ZNF618: variants seen among roughly 807,000 people sequenced by gnomAD.
ZNF618 encodes the protein zinc finger protein 618, also known as neural precursor cell expressed, developmentally down-regulated 10.
In ZNF618, 34 loss-of-function variants were observed where a neutral mutation model predicts 103.0. The ratio of observed to expected loss-of-function variants is 0.33; its 90% CI spans 0.25 to 0.44. The LOEUF (loss-of-function observed/expected upper bound fraction) is 0.44. Ranked by LOEUF, ZNF618 falls within the 20% of genes least tolerant of loss-of-function variation. ZNF618 has a pLI of 1.00. For synonymous variants in ZNF618, 551 were observed against 542.2 expected (o/e 1.02, Z -0.23); for missense variants, 1,059 against 1,295.4 (o/e 0.82, Z 2.80).
chr9:114,037,474 C>A (rs1844725036), intron 13 of ZNF618, among the ~76,000 whole-genome samples: 1 of 152,146 alleles, frequency 6.6e-6, no homozygotes, highest in South Asian at 2.1e-4. Flanking sequence ...GACAGTTGGC[C>A]ACTCTGCAAA....
intron 6 of ZNF618, among the ~76,000 whole-genome samples, chr9:114,005,386 G>C (rs989497139): frequency 3.9e-5 from 6 of 152,192 alleles, no homozygotes; most frequent in Non-Finnish European, 8.8e-5. Flanking sequence ...CGAAGACCTG[G>C]GAGCGGGCTC....
At position 114,050,064 on chromosome 9, in the gene ZNF618, G is replaced by A. The variant is rs377041957; in HGVS notation, c.2762G>A (p.Gly921Glu). The A allele has an allele frequency of 5.6e-6, 9 of 1,613,410 alleles. No homozygotes were observed. The highest frequency in any genetic ancestry group is 1.3e-5 in the African/African-American group (1 of 74,946). Residue 921 changes from glycine to glutamate, a missense_variant, in exon 15 of 15, where the codon GGG (glycine) becomes GAG (glutamate). Coordinates refer to ENST00000374126, the MANE Select transcript of ZNF618 (RefSeq NM_001318042.2). The part of the protein sequence containing the change: ...LAVPAVGARS[G>E]CVNMCEQALL... ...GTTCCGGCCGTGGGCGCCAGAAGCG[G>A]GTGTGTAAATATGTGTGAACAAGCG...
In ZNF618 at chr9:114,016,761, A is replaced by T; in HGVS notation, c.821A>T (p.His274Leu). ...QYKYYTPYQE[H>L]VALHAPISTA... ...AAGTACTACACTCCCTACCAGGAGC[A>T]TGTGGCCTTACACGCCCCCATCAGT... Residue 274 changes from histidine (H) to leucine (L), a missense_variant, in exon 10 of 15, where the codon CAT (histidine) becomes CTT (leucine). Transcript: ENST00000374126. 1 of 1,613,516 alleles carries T rather than the reference A, an allele frequency of 6.2e-7. No individual in the cohort carries two copies. Among genetic ancestry groups the T allele is most frequent in the Non-Finnish European group, 8.5e-7 (1 of 1,179,734 alleles).
At chr9:113,983,171 G>A (rs1449721052) in intron 2 of ZNF618, among the ~76,000 whole-genome samples, 1 of 151,928 alleles carries the variant, frequency 6.6e-6, no homozygotes, top group East Asian at 1.9e-4. Flanking sequence ...ATATCCAAGG[G>A]CTCCACTGTA....
At chr9:113,981,248 G>A (rs1838950399) in intron 2 of ZNF618, among the ~76,000 whole-genome samples, 1 of 152,132 alleles carries the variant, frequency 6.6e-6, no homozygotes, top group Non-Finnish European at 1.5e-5. Context: ...ATTGTTAAAG[G>A]TGGGTGAGGT....
intron 13 of ZNF618, 105 bp downstream of exon 13, chr9:114,036,482 T>C: frequency 8.3e-7 from 1 of 1,205,436 alleles, no homozygotes; most frequent in Non-Finnish European, 1.2e-6. Flanking sequence ...CGCTCTTTCC[T>C]GGAAAATGGT....
chr9:114,036,302 C>A lies in ZNF618; in HGVS notation c.1171C>A (p.Pro391Thr). ...GGCTGCCGCATTTCTCCCTCCAGAA[C>A]CCTACACCTGCGGCGCCTGTGGGAT... ...TNSSSQNSSE[P>T]YTCGACGIQF... The change falls in exon 13 of 15, where the codon CCC (proline) becomes ACC (threonine). Residue 391 changes from proline to threonine, a missense_variant and splice_region_variant. Around this residue, in one of 6 missense-constraint regions of ZNF618, gnomAD observed 434 missense variants for 476.0 expected, o/e 0.91. Transcript: ENST00000374126. The A allele has an allele frequency of 6.4e-7, 1 of 1,570,446 alleles. No individual in the cohort carries two copies.
intron 9 of ZNF618, among the ~76,000 whole-genome samples, chr9:114,014,322 T>C (rs1842487753): frequency 6.6e-6 from 1 of 152,218 alleles, no homozygotes; most frequent in Non-Finnish European, 1.5e-5. Flanking sequence ...TAATTCCTTA[T>C]CTTTACTCTG....
At chr9:113,911,043 A>C (rs1361585888) in intron 1 of ZNF618, among the ~76,000 whole-genome samples, 1 of 152,104 alleles carries the variant, frequency 6.6e-6, no homozygotes, top group African/African-American at 2.4e-5. Flanking sequence ...CATGTTGGCC[A>C]GGCTGGTCTT....
At chr9:114,016,339 G>T (rs1842646291) in intron 9 of ZNF618, among the ~76,000 whole-genome samples, 1 of 152,072 alleles carries the variant, frequency 6.6e-6, no homozygotes, top group Non-Finnish European at 1.5e-5. Context: ...GGTGTTGGAG[G>T]TCAGCACACT....
chr9:114,030,852 C>T (rs1435345150), intron 11 of ZNF618: 2 of 152,192 alleles, frequency 1.3e-5, no homozygotes, highest in African/African-American at 4.8e-5. Context: ...GCATTATCAG[C>T]TGAGCAGTGT....
At chr9:113,992,972 C>A (rs949970079) in intron 3 of ZNF618, among the ~76,000 whole-genome samples, 28 of 152,166 alleles carry the variant, frequency 1.8e-4, no homozygotes, top group African/African-American at 6.8e-4. Flanking sequence ...GGAGCTGGTG[C>A]AGGGTTTGGG....
At chr9:113,974,750 G>A (rs983335329) in intron 2 of ZNF618, among the ~76,000 whole-genome samples, 1 of 152,160 alleles carries the variant, frequency 6.6e-6, no homozygotes, top group South Asian at 2.1e-4. Flanking sequence ...TGCACCCCCT[G>A]CCTGGTCTGT....
intron 1 of ZNF618, among the ~76,000 whole-genome samples, chr9:113,904,010 C>CT (rs35812879): frequency 0.13 from 17,992 of 139,548 alleles, 1,437 homozygotes; most frequent in East Asian, 0.3. Context: ...TTCACCCCTC[C>CT]TTTTTTTTTT....
chr9:113,988,678 G>T lies in ZNF618; in HGVS notation c.337+98G>T, dbSNP rs541772481. The stretch of plus-strand genomic sequence containing the variant: ...GGCCTGGCGCCTCTGCCCCCTTCCT[G>T]GCTGAGAGAACCTTTGCTGGCTTCC... On this transcript the variant is annotated intron_variant, in intron 3 of 14. Transcript: ENST00000374126. 60 of 1,450,410 alleles carry T rather than the reference G, an allele frequency of 4.1e-5. 1 individual carries two copies. The African/African-American group carries it at 5.9e-4, about 14-fold the overall frequency. 89.8% of individuals were successfully genotyped at this position (1,450,410 alleles called of 1,614,324 possible).
intron 12 of ZNF618, among the ~76,000 whole-genome samples, chr9:114,033,501 A>G (rs1361728210): frequency 6.6e-6 from 1 of 151,370 alleles, no homozygotes; most frequent in Non-Finnish European, 1.5e-5. Context: ...TCCAGCCCCT[A>G]CCTGCTCAAG....
At chr9:113,934,260 G>A (rs1833851757) in intron 1 of ZNF618, among the ~76,000 whole-genome samples, 2 of 152,050 alleles carry the variant, frequency 1.3e-5, no homozygotes, top group African/African-American at 4.8e-5. Context: ...TAGACTTCAG[G>A]CTGCTGCTGT....
chr9:114,028,326 C>T (rs1049130925), intron 10 of ZNF618: 6 of 188,252 alleles, frequency 3.2e-5, no homozygotes, highest in South Asian at 1.2e-4. Flanking sequence ...CCAGCCCCGG[C>T]ATGTCCCTGC....
chr9:113,917,556 C>T (rs1440832138), intron 1 of ZNF618, among the ~76,000 whole-genome samples: 1 of 152,044 alleles, frequency 6.6e-6, no homozygotes, highest in East Asian at 1.9e-4. Context: ...GTCTGGCAAG[C>T]CTTCTCTTAA....
Sources: gnomAD v4.1 joint callset for allele counts (sites outside exome capture counted in the v4.1 genomes callset) on GRCh38, gnomAD v4.1.1 for gene constraint, gnomAD v4.1.1 regional missense constraint, MANE v1.5 for transcripts, NCBI Gene and HGNC (gene_info 2026-07-23, HGNC 2026-07-21) for gene names.